ITIH5: variants seen among roughly 807,000 people sequenced by gnomAD.
The protein encoded by ITIH5 is inter-alpha-trypsin inhibitor heavy chain H5.
Under a neutral mutation model 77.5 loss-of-function variants are expected in ITIH5, and 65 were observed. The observed-to-expected ratio is 0.84, with a 90% CI of 0.69 to 1.03. The LOEUF (loss-of-function observed/expected upper bound fraction) is 1.03. ITIH5 is among the 50% of genes least tolerant of loss of function. ITIH5 has a pLI of 0.00. For synonymous variants in ITIH5, 525 were observed against 494.3 expected, an observed-to-expected ratio of 1.06 and a Z score of -0.82; for missense variants, 1,208 against 1,213.1, an observed-to-expected ratio of 1.00 and a Z score of 0.06.
intron 5 of ITIH5, among the ~76,000 whole-genome samples, chr10:7,628,697 TGCAGC>T (rs1833632922): frequency 6.7e-6 from 1 of 149,810 alleles, no homozygotes; most frequent in African/African-American, 2.5e-5. Flanking sequence ...GTGTCCATGT[TGCAGC>T]GTGTGTCCAT....
At position 7,566,145 on chromosome 10, in the gene ITIH5, T is replaced by C; in HGVS notation, c.2412A>G (p.Ile804Met). 1.2e-6 allele frequency: 2 copies of C among 1,614,016 alleles called. No homozygotes were observed. Among genetic ancestry groups the C allele is most frequent in the Non-Finnish European group, 1.7e-6 (2 of 1,179,996 alleles). Residue 804 changes from isoleucine (I) to methionine (M), a missense_variant, in exon 13 of 14, where the codon ATA becomes ATG. Transcript: ENST00000397146. ...ANVTVTIQGS[I>M]AFVILIHLYK... is the part of the protein sequence containing the mutation. ...AGAGGTGGATGAGGATGACAAAGGC[T>C]ATGGAGCCCTGGATGGTGACGGTGA...
At chr10:7,664,750 T>A (rs1588436510) in intron 1 of ITIH5, among the ~76,000 whole-genome samples, 1 of 152,228 alleles carries the variant, frequency 6.6e-6, no homozygotes, top group East Asian at 1.9e-4. Flanking sequence ...TTGCATAAGA[T>A]TTGCATAGAC....
chr10:7,642,094 T>C lies in ITIH5; in HGVS notation c.136-4A>G, dbSNP rs745871915. On this transcript the variant is annotated splice_region_variant and splice_polypyrimidine_tract_variant and intron_variant, in intron 2 of 13. Coordinates refer to ENST00000397146, the MANE Select transcript of ITIH5 (RefSeq NM_030569.7). ...CTGTCATCAAAGGTTTGGTTTTCTGTAGGAATGAAAACACACAGTATCATC... is the reference window on the plus strand; with the variant it reads ...CTGTCATCAAAGGTTTGGTTTTCTGCAGGAATGAAAACACACAGTATCATC... 2.5e-6 allele frequency: 4 copies of C among 1,612,868 alleles called. No individual in the cohort carries two copies. Among genetic ancestry groups the C allele is most frequent in the South Asian group, 2.2e-5 (2 of 90,942 alleles).
At chr10:7,655,303 T>G (rs1834162657) in intron 2 of ITIH5, among the ~76,000 whole-genome samples, 1 of 152,162 alleles carries the variant, frequency 6.6e-6, no homozygotes, top group South Asian at 2.1e-4. Context: ...CTTTAGTTGT[T>G]TACTTCACAA....
intron 8 of ITIH5, among the ~76,000 whole-genome samples, chr10:7,583,443 C>T (rs1408532818): frequency 6.6e-6 from 1 of 152,346 alleles, no homozygotes; most frequent in African/African-American, 2.4e-5. Flanking sequence ...TGCAATTCTC[C>T]TGCCTCAGCC....
intron 5 of ITIH5, among the ~76,000 whole-genome samples, chr10:7,628,981 G>T (rs1167716167): frequency 8.4e-6 from 1 of 118,514 alleles, no homozygotes; most frequent in African/African-American, 3.0e-5. Flanking sequence ...GCATGTGTCC[G>T]TGTTGTGGCA....
chr10:7,591,047 C>T (rs925793609), intron 7 of ITIH5, among the ~76,000 whole-genome samples: 2 of 152,200 alleles, frequency 1.3e-5, no homozygotes, highest in African/African-American at 4.8e-5. Context: ...CAGGCACACG[C>T]CATCACGCTC....
chr10:7,582,109 T>TCA (rs1262990151), intron 8 of ITIH5, among the ~76,000 whole-genome samples: 24 of 152,048 alleles, frequency 1.6e-4, no homozygotes, highest in African/African-American at 5.5e-4. Context: ...TTTCCTGACC[T>TCA]TGTGATCTGC....
At chr10:7,638,554 A>G (rs1833836373) in intron 4 of ITIH5, among the ~76,000 whole-genome samples, 1 of 152,250 alleles carries the variant, frequency 6.6e-6, no homozygotes, top group African/African-American at 2.4e-5. Flanking sequence ...TTTTGACCTT[A>G]AAGTCATACA....
intron 11 of ITIH5, chr10:7,572,175 C>CGGGATG (rs1301833813): frequency 1.3e-5 from 15 of 1,193,724 alleles, no homozygotes; most frequent in Non-Finnish European, 1.6e-5. Flanking sequence ...ACTCTATATC[C>CGGGATG]ACAGCTCATC....
chr10:7,633,946 A>G (rs886120969), intron 5 of ITIH5, among the ~76,000 whole-genome samples: 1 of 151,866 alleles, frequency 6.6e-6, no homozygotes, highest in Non-Finnish European at 1.5e-5. Context: ...AAAATTAGCC[A>G]GGCGTGGTGG....
intron 4 of ITIH5, among the ~76,000 whole-genome samples, chr10:7,639,876 G>C (rs987401262): frequency 3.3e-5 from 5 of 152,078 alleles, no homozygotes; most frequent in Non-Finnish European, 1.5e-5. Flanking sequence ...ATCATGAAAT[G>C]AGAAAGGAGA....
At position 7,566,173 on chromosome 10, in the gene ITIH5, T is replaced by C. The variant is rs775235231; in HGVS notation, c.2384A>G (p.Asn795Ser). 1.2e-6 allele frequency: 2 copies of C among 1,613,938 alleles called. No homozygotes were observed. Among genetic ancestry groups the C allele is most frequent in the Non-Finnish European group, 1.7e-6 (2 of 1,179,980 alleles). The stretch of plus-strand genomic sequence containing the variant: ...GGAGCCCTGGATGGTGACGGTGACA[T>C]TGGCGTTGGCAGACACGGACACCTC... ...GLEVSVSANANVTVTIQGSIA... is the reference protein window; with the variant it reads ...GLEVSVSANASVTVTIQGSIA... Residue 795 changes from asparagine (N) to serine (S), a missense_variant, in exon 13 of 14, where the codon AAT becomes AGT. Transcript: ENST00000397146.
chr10:7,591,961 C>T (rs1458723386), intron 7 of ITIH5, among the ~76,000 whole-genome samples: 2 of 152,196 alleles, frequency 1.3e-5, no homozygotes, highest in Admixed American at 6.5e-5. Context: ...ACCTCCGCCT[C>T]CTGGGTTCAA....
At chr10:7,619,010 G>C (rs534390053) in intron 5 of ITIH5, 2 of 152,188 alleles carry the variant, frequency 1.3e-5, no homozygotes, top group Non-Finnish European at 2.9e-5. Flanking sequence ...TTTGTAGGGA[G>C]ACAGTTACAT....
rs143427636 is a variant in ITIH5 at position 7,593,143 on chromosome 10, C to G, written c.940-7074G>C. Among the ~76,000 whole-genome samples, 367 of 152,146 alleles carry G rather than the reference C, an allele frequency of 2.4e-3. 4 individuals carry two copies. The highest frequency in any genetic ancestry group is 8.4e-3 in the African/African-American group (347 of 41,478). ...ATATTCTGCTTTAGGAAGAGCTATT[C>G]AATCTCTCTACCCTCCTTCCCTCAG... is the stretch of plus-strand genomic sequence containing the variant. On this transcript the variant is annotated intron_variant, in intron 7 of 13. Transcript: ENST00000397146.
At chr10:7,602,157 G>A (rs1479393050) in intron 7 of ITIH5, among the ~76,000 whole-genome samples, 1 of 152,076 alleles carries the variant, frequency 6.6e-6, no homozygotes, top group Non-Finnish European at 1.5e-5. Context: ...CCTGGCCTAA[G>A]GCTCAGTTTT....
Position 7,569,777 on chromosome 10 carries a change from A to G in ITIH5, c.2040T>C (p.Gly680=), listed in dbSNP as rs776882928. ...RIKISKTSVD[G]DPHFVVDFPL... ...GGAAATCCACAACAAAGTGGGGATC[A>G]CCATCCACTGCCAGAGCAGAAGAAA... Residue 680 remains glycine (G), a synonymous_variant, in exon 12 of 14, where the codon GGT becomes GGC. Transcript: ENST00000397146. 1 of 1,601,668 alleles carries G rather than the reference A, an allele frequency of 6.2e-7. No individual in the cohort carries two copies.
intron 9 of ITIH5, among the ~76,000 whole-genome samples, chr10:7,579,172 C>T (rs1294714191): frequency 1.3e-5 from 2 of 152,200 alleles, no homozygotes; most frequent in African/African-American, 4.8e-5. Context: ...TCATTAAATT[C>T]TGCAACCAAC....
Sources: allele counts gnomAD v4.1 joint callset (sites outside exome capture counted in the v4.1 genomes callset), GRCh38; gene constraint gnomAD v4.1.1; transcripts MANE v1.5; gene names NCBI Gene and HGNC (gene_info 2026-07-23, HGNC 2026-07-21).